The following AP4S1 variants were observed in gnomAD, a reference collection of about 807,000 sequenced individuals.
AP4S1 encodes AP-4 complex subunit sigma-1.
Under a neutral mutation model 19.8 loss-of-function variants are expected in AP4S1, and 23 were observed. That is an observed-to-expected ratio of 1.16 (90% CI 0.84 to 1.65). AP4S1 has a LOEUF of 1.65. Among genes scored for constraint, AP4S1 ranks in the 40% most tolerant of loss-of-function variants. The probability of loss-of-function intolerance (pLI) is 0.00; values close to 1 mark genes in which losing one functional copy is unlikely to be tolerated. For missense variants in AP4S1, 166 were observed against 172.8 expected (o/e 0.96, Z 0.22); for synonymous variants, 46 against 54.1 (o/e 0.85, Z 0.66).
At chr14:31,026,575 C>T (rs1252167536) in intron 1 of AP4S1, 1 of 174,130 alleles carries the variant, frequency 5.7e-6, no homozygotes, top group East Asian at 1.6e-4. Context: ...CCCGGGTCGC[C>T]GTTAGAGGGC....
chr14:31,051,924 G>C (rs1162420615), intron 1 of AP4S1, among the ~76,000 whole-genome samples: 4 of 152,258 alleles, frequency 2.6e-5, no homozygotes, highest in Middle Eastern at 3.4e-3. Flanking sequence ...GCTTCCCAAA[G>C]TGCTGGGATT....
intron 1 of AP4S1, among the ~76,000 whole-genome samples, chr14:31,040,982 G>A (rs1885075122): frequency 6.6e-6 from 1 of 151,308 alleles, no homozygotes; most frequent in Non-Finnish European, 1.5e-5. Flanking sequence ...GGCTGAGGCA[G>A]GAGAATGGTG....
intron 1 of AP4S1, among the ~76,000 whole-genome samples, chr14:31,044,184 G>T (rs1445808171): frequency 6.6e-6 from 1 of 152,060 alleles, no homozygotes; most frequent in Non-Finnish European, 1.5e-5. Flanking sequence ...AATAAATATT[G>T]CCCCTAATCC....
chr14:31,054,072 TTC>T, intron 1 of AP4S1, among the ~76,000 whole-genome samples: 1 of 152,208 alleles, frequency 6.6e-6, no homozygotes, highest in Non-Finnish European at 1.5e-5. Context: ...AGAAAAAGCT[TTC>T]ATTCATTCTT....
chr14:31,061,804 A>T (rs1886453199), intron 1 of AP4S1, among the ~76,000 whole-genome samples: 1 of 151,834 alleles, frequency 6.6e-6, no homozygotes, highest in Non-Finnish European at 1.5e-5. Context: ...CACCACACCC[A>T]GCTAATTTTG....
chr14:31,058,195 G>T (rs1881162567), intron 1 of AP4S1, among the ~76,000 whole-genome samples: 1 of 152,022 alleles, frequency 6.6e-6, no homozygotes, highest in Admixed American at 6.6e-5. Context: ...CTCGCAAAGT[G>T]CTGGGATTAC....
At chr14:31,077,926 G>A (rs967980564) in intron 4 of AP4S1, among the ~76,000 whole-genome samples, 1 of 151,898 alleles carries the variant, frequency 6.6e-6, no homozygotes, top group Non-Finnish European at 1.5e-5. Flanking sequence ...AGTAGAGTTA[G>A]GGTTTCACCA....
At chr14:31,061,064 G>A (rs1210376998) in intron 1 of AP4S1, among the ~76,000 whole-genome samples, 2 of 151,978 alleles carry the variant, frequency 1.3e-5, no homozygotes, top group African/African-American at 4.8e-5. Context: ...TAATTTTTTT[G>A]TATTTTAGTA....
At chr14:31,077,053 C>G (rs948717822) in intron 4 of AP4S1, among the ~76,000 whole-genome samples, 1 of 152,126 alleles carries the variant, frequency 6.6e-6, no homozygotes. Context: ...CCTCAGCCCC[C>G]CAAGTAGCTG....
At chr14:31,085,720 C>G in intron 5 of AP4S1, 1 of 763,764 alleles carries the variant, frequency 1.3e-6, no homozygotes, top group Non-Finnish European at 1.6e-6. Flanking sequence ...CTGCAGTGAG[C>G]CATGATTGTG....
intron 1 of AP4S1, among the ~76,000 whole-genome samples, chr14:31,053,473 G>A (rs576386748): frequency 2.2e-3 from 334 of 152,172 alleles, no homozygotes; most frequent in Non-Finnish European, 3.6e-3. Context: ...GAGAAGGAAT[G>A]GGGGCCAAGG....
At chr14:31,077,696 G>A (rs1363506133) in intron 4 of AP4S1, among the ~76,000 whole-genome samples, 1 of 151,518 alleles carries the variant, frequency 6.6e-6, no homozygotes, top group East Asian at 1.9e-4. Flanking sequence ...TTGCCTTAGT[G>A]CATGAGGCTT....
At chr14:31,046,282 A>G (rs1362249824) in intron 1 of AP4S1, among the ~76,000 whole-genome samples, 1 of 152,070 alleles carries the variant, frequency 6.6e-6, no homozygotes, top group Non-Finnish European at 1.5e-5. Context: ...TCCCCAAAAC[A>G]AAGCCCCAAC....
intron 5 of AP4S1, 37 bp from the exon 6 acceptor site, chr14:31,092,870 T>G (rs1161755079): frequency 2.1e-6 from 3 of 1,448,660 alleles, no homozygotes; most frequent in East Asian, 2.6e-5. Flanking sequence ...TGTTAATAAT[T>G]TTTAACTTTA....
intron 1 of AP4S1, among the ~76,000 whole-genome samples, chr14:31,065,033 T>C (rs1453698076): frequency 6.6e-6 from 1 of 152,192 alleles, no homozygotes; most frequent in Non-Finnish European, 1.5e-5. Flanking sequence ...ACAGAGCCTG[T>C]TATAGGGCCT....
rs187773019 is a variant in AP4S1, at chr14:31,035,981, T to C, written c.-72+10194T>C. 3.2e-3 allele frequency among the ~76,000 whole-genome samples: 486 copies of C among 152,108 alleles called. 5 individuals carry two copies. The highest frequency in any genetic ancestry group is 6.8e-3 in the Middle Eastern group (2 of 294). ...TCCTGACCTGGTGATCCGCCCGCCT[T>C]GGCCTCCCAAAGTGCTGGGATTACA... On this transcript the variant is annotated intron_variant, in intron 1 of 5. Transcript: ENST00000542754.
intron 4 of AP4S1, among the ~76,000 whole-genome samples, chr14:31,074,507 C>A (rs1026985783): frequency 1.5e-4 from 23 of 151,950 alleles, no homozygotes; most frequent in Admixed American, 1.3e-4. Context: ...CACGGTGAAA[C>A]CTGTTTCTAC....
At chr14:31,049,428 A>AAAAAAATATATATATATAT (rs1384450221) in intron 1 of AP4S1, among the ~76,000 whole-genome samples, 3 of 57,742 alleles carry the variant, frequency 5.2e-5, no homozygotes, top group Non-Finnish European at 8.7e-5. Context: ...AAAAAAAAAA[A>AAAAAAATATATATATATAT]ATATATATAT....
intron 1 of AP4S1, among the ~76,000 whole-genome samples, chr14:31,058,301 T>G (rs1159632427): frequency 1.3e-5 from 2 of 152,166 alleles, no homozygotes; most frequent in African/African-American, 4.8e-5. Flanking sequence ...AGGAAAATGC[T>G]TGTTTGATTC....
Sources: gnomAD v4.1 joint callset for allele counts (sites outside exome capture counted in the v4.1 genomes callset) on GRCh38, gnomAD v4.1.1 for gene constraint, MANE v1.5 for transcripts, NCBI Gene and HGNC (gene_info 2026-07-23, HGNC 2026-07-21) for gene names.